TRIM13: variants seen among roughly 807,000 people sequenced by gnomAD.
The protein encoded by TRIM13 is tripartite motif containing 13.
A neutral mutation model predicts 27.1 loss-of-function variants in TRIM13; 15 were observed. That is an observed-to-expected ratio of 0.55 (90% CI 0.37 to 0.85). TRIM13 has a LOEUF of 0.85. Among genes scored for constraint, TRIM13 ranks in the 40% least tolerant of loss-of-function variants. The probability of loss-of-function intolerance (pLI) is 0.00; values close to 1 mark genes in which losing one functional copy is unlikely to be tolerated. For synonymous variants in TRIM13, 193 were observed against 171.5 expected, an observed-to-expected ratio of 1.13 and a Z score of -0.98; for missense variants, 402 against 472.2, an observed-to-expected ratio of 0.85 and a Z score of 1.38.
rs78125350 is a variant in TRIM13, at chr13:50,016,124, C to G, written c.*2960C>G. The G allele has an allele frequency of 5.1e-6, 7 of 1,372,140 alleles. No homozygotes were observed. The African/African-American group carries it at 8.7e-5, about 17-fold the overall frequency. 85.0% of individuals were successfully genotyped at this position (1,372,140 alleles called of 1,614,324 possible). On this transcript the variant is annotated 3_prime_UTR_variant, in exon 2 of 2. Coordinates refer to ENST00000378182, the MANE Select transcript of TRIM13 (RefSeq NM_213590.3). Reference sequence around the variant, plus strand: ...TGTATACCAGTTTGTGATGTTTTCTCTAAAAACTTGAAGTTCCTCAGGCCT... The same window carrying G: ...TGTATACCAGTTTGTGATGTTTTCTGTAAAAACTTGAAGTTCCTCAGGCCT...
chr13:49,998,089 C>CT (rs1873464511), intron 1 of TRIM13, among the ~76,000 whole-genome samples: 6 of 152,022 alleles, frequency 3.9e-5, no homozygotes, highest in Admixed American at 3.9e-4. Context: ...TAGAACAGGG[C>CT]TTGAGTTTTC....
intron 1 of TRIM13, among the ~76,000 whole-genome samples, chr13:50,000,843 T>C (rs1473393161): frequency 1.3e-5 from 2 of 152,252 alleles, no homozygotes; most frequent in Non-Finnish European, 2.9e-5. Context: ...CAATATTTTA[T>C]GGTTTTAATT....
intron 1 of TRIM13, among the ~76,000 whole-genome samples, chr13:50,007,702 A>C (rs1874957758): frequency 6.7e-6 from 1 of 148,630 alleles, no homozygotes; most frequent in South Asian, 2.2e-4. Flanking sequence ...GAATTGCTTG[A>C]ACCCGGGAGG....
rs993558897 is a variant in TRIM13 at position 49,997,094 on chromosome 13, A to C, written c.-676A>C. ...CGTACCGTGCGGTCCCTGTAGTTGG[A>C]GGACGGGCGGTCGCGCGGCCTTTCC... is the stretch of plus-strand genomic sequence containing the variant. On this transcript the variant is annotated 5_prime_UTR_variant, in exon 1 of 2. Transcript: ENST00000378182. 6.6e-6 allele frequency: 1 copy of C among 151,272 alleles called. No individual in the cohort carries two copies. The highest frequency in any genetic ancestry group is 1.5e-5 in the Non-Finnish European group (1 of 67,940). The allele number at this position is 151,272 out of a possible 1,614,324, so 9.4% of individuals were successfully genotyped here. A position where few individuals can be genotyped will look rare whatever the true frequency, so the allele number is the denominator to read the frequency against.
In TRIM13 at chr13:50,013,429, T is replaced by C. The variant is rs1385807906; in HGVS notation, c.*265T>C. 4 of 305,898 alleles carry C rather than the reference T, an allele frequency of 1.3e-5. No individual in the cohort carries two copies. In the South Asian group the frequency reaches 2.2e-4, roughly 17 times the overall value. 18.9% of individuals were successfully genotyped at this position (305,898 alleles called of 1,614,324 possible). ...GGTTGTATTTATGCTGTGATAAAAA[T>C]AGGTGAGAGATCATATGATCTAATA... is the stretch of plus-strand genomic sequence containing the variant. On this transcript the variant is annotated 3_prime_UTR_variant, in exon 2 of 2. Transcript: ENST00000378182.
At chr13:50,003,819 A>C (rs1163458257) in intron 1 of TRIM13, among the ~76,000 whole-genome samples, 1 of 152,210 alleles carries the variant, frequency 6.6e-6, no homozygotes, top group Non-Finnish European at 1.5e-5. Context: ...GTAAATCAAA[A>C]AGTGAATTTC....
rs1273631122 is a variant in TRIM13 at position 49,999,155 on chromosome 13, C to T, written c.-7+1392C>T. ...TTGTCACCCTATGTGGGCGTCTTGG[C>T]GATCACTAGGTAAAACCACGGGTGC... On this transcript the variant is annotated intron_variant, in intron 1 of 1. Transcript: ENST00000378182. Among the ~76,000 whole-genome samples, 14 of 149,864 alleles carry T rather than the reference C, an allele frequency of 9.3e-5. No homozygotes were observed. In the East Asian group the frequency reaches 2.1e-3, roughly 23 times the overall value.
Position 50,014,390 on chromosome 13 carries a change from CAT to C in TRIM13, c.*1234_*1235del, listed in dbSNP as rs752852277. On this transcript the variant is annotated 3_prime_UTR_variant, in exon 2 of 2. Transcript: ENST00000378182. Reference sequence around the variant, plus strand: ...ACACACACACACATATGTACACATACATATATATACATATATATGTATATATA... The same window carrying C: ...ACACACACACACATATGTACACATACATATATACATATATATGTATATATA... 3 of 126,946 alleles carry C rather than the reference CAT, an allele frequency of 2.4e-5. No homozygotes were observed. The highest frequency in any genetic ancestry group is 3.4e-5 in the Non-Finnish European group (2 of 58,558). The allele number at this position is 126,946 out of a possible 1,614,324, so 7.9% of individuals were successfully genotyped here. A position where few individuals can be genotyped will look rare whatever the true frequency, so the allele number is the denominator to read the frequency against.
At chr13:50,004,599 C>G (rs1487921265) in intron 1 of TRIM13, among the ~76,000 whole-genome samples, 1 of 151,974 alleles carries the variant, frequency 6.6e-6, no homozygotes, top group Non-Finnish European at 1.5e-5. Flanking sequence ...CCTGTCTCTA[C>G]TAAAAACACA....
chr13:50,002,521 C>T (rs1263480630), intron 1 of TRIM13, among the ~76,000 whole-genome samples: 7 of 152,074 alleles, frequency 4.6e-5, no homozygotes, highest in Non-Finnish European at 8.8e-5. Flanking sequence ...TTAGTTTTTC[C>T]ACCCATTTTA....
intron 1 of TRIM13, among the ~76,000 whole-genome samples, chr13:50,009,474 C>T (rs533775982): frequency 6.6e-5 from 10 of 152,040 alleles, no homozygotes; most frequent in South Asian, 6.2e-4. Flanking sequence ...CGGTGGCTCA[C>T]GCCTGTAATC....
At chr13:50,011,405 T>C (rs1875624729) in intron 1 of TRIM13, among the ~76,000 whole-genome samples, 2 of 152,366 alleles carry the variant, frequency 1.3e-5, no homozygotes, top group East Asian at 3.9e-4. Context: ...CTTGTGCTTT[T>C]ACCTGTGATT....
chr13:50,015,571 T>TC lies in TRIM13; in HGVS notation c.*2409dup. 1 of 1,614,094 alleles carries TC rather than the reference T, an allele frequency of 6.2e-7. No individual in the cohort carries two copies. Among genetic ancestry groups the TC allele is most frequent in the South Asian group, 1.1e-5 (1 of 91,080 alleles). The stretch of plus-strand genomic sequence containing the variant: ...CAAGGTTTTCTACGATAAAGCAGTT[T>TC]CCTGCTTCTCGTTTGGCACGCATGT... On this transcript the variant is annotated 3_prime_UTR_variant, in exon 2 of 2. Coordinates refer to ENST00000378182, the MANE Select transcript of TRIM13 (RefSeq NM_213590.3).
At chr13:49,998,474 G>C (rs1034172245) in intron 1 of TRIM13, among the ~76,000 whole-genome samples, 5 of 152,154 alleles carry the variant, frequency 3.3e-5, no homozygotes, top group African/African-American at 1.2e-4. Flanking sequence ...ACCTTTTCTT[G>C]CTTGATACAC....
At chr13:49,999,262 T>C (rs548868221) in intron 1 of TRIM13, among the ~76,000 whole-genome samples, 1 of 152,246 alleles carries the variant, frequency 6.6e-6, no homozygotes, top group East Asian at 1.9e-4. Context: ...AGACGGGCTA[T>C]GTAAATGATT....
At chr13:49,999,067 A>T (rs1246323711) in intron 1 of TRIM13, among the ~76,000 whole-genome samples, 1 of 151,948 alleles carries the variant, frequency 6.6e-6, no homozygotes, top group Non-Finnish European at 1.5e-5. Flanking sequence ...TACATTCAAT[A>T]TGGGGTTTCT....
intron 1 of TRIM13, among the ~76,000 whole-genome samples, chr13:50,004,818 G>A (rs1874474485): frequency 6.6e-6 from 1 of 151,654 alleles, no homozygotes; most frequent in Non-Finnish European, 1.5e-5. Context: ...GCTCACGCCT[G>A]TAATCCCAAC....
In TRIM13 at chr13:50,014,464, C is replaced by T. The variant is rs968858987; in HGVS notation, c.*1300C>T. 24 of 163,570 alleles carry T rather than the reference C, an allele frequency of 1.5e-4. No individual in the cohort carries two copies. Among genetic ancestry groups the T allele is most frequent in the African/African-American group, 5.7e-4 (23 of 40,318 alleles). The allele number at this position is 163,570 out of a possible 1,614,324, so 10.1% of individuals were successfully genotyped here. A position where few individuals can be genotyped will look rare whatever the true frequency, so the allele number is the denominator to read the frequency against. ...AATGGGAAGACTACCTTTTTTCTGG[C>T]AGCTATGTGTTGTTTTGTTCGAAAG... is the stretch of plus-strand genomic sequence containing the variant. On this transcript the variant is annotated 3_prime_UTR_variant, in exon 2 of 2. Transcript: ENST00000378182.
At chr13:50,008,444 T>C (rs914997305) in intron 1 of TRIM13, among the ~76,000 whole-genome samples, 1 of 151,834 alleles carries the variant, frequency 6.6e-6, no homozygotes, top group African/African-American at 2.4e-5. Flanking sequence ...GGCAGGAGGA[T>C]TGCTTGAGGC....
Sources: allele counts gnomAD v4.1 joint callset (sites outside exome capture counted in the v4.1 genomes callset), GRCh38; gene constraint gnomAD v4.1.1; transcripts MANE v1.5; gene names NCBI Gene and HGNC (gene_info 2026-07-23, HGNC 2026-07-21).